The following ARMC8 variants were observed in gnomAD, a reference collection of about 807,000 sequenced individuals.
ARMC8 encodes armadillo repeat-containing protein 8.
A neutral mutation model predicts 99.3 loss-of-function variants in ARMC8; 20 were observed. The observed-to-expected ratio is 0.20, with a 90% confidence interval of 0.14 to 0.29. The LOEUF is 0.29. Ranked by LOEUF, ARMC8 falls within the 10% of genes least tolerant of loss-of-function variation. ARMC8 has a pLI of 1.00. For missense variants in ARMC8, 569 were observed against 809.5 expected (o/e 0.70, Z 3.60); for synonymous variants, 263 against 278.3 (o/e 0.95, Z 0.55).
chr3:138,196,323 A>C (rs1399587752), intron 1 of ARMC8, among the ~76,000 whole-genome samples: 1 of 152,188 alleles, frequency 6.6e-6, no homozygotes, highest in African/African-American at 2.4e-5. Context: ...CATTTTGGAC[A>C]TGCCAAATTT....
intron 1 of ARMC8, among the ~76,000 whole-genome samples, chr3:138,202,513 A>G (rs79669753): frequency 0.014 from 2,154 of 152,278 alleles, 51 homozygotes; most frequent in African/African-American, 0.047. Context: ...CAGAAATAGA[A>G]TTACTCTGAA....
rs1253986305 is a variant in ARMC8, at chr3:138,239,475, T to TA, written c.785dup (p.Tyr262Ter). 1 of 1,599,648 alleles carries TA rather than the reference T, an allele frequency of 6.3e-7. No individual in the cohort carries two copies. Among genetic ancestry groups the TA allele is most frequent in the South Asian group, 1.1e-5 (1 of 87,096 alleles). ...MQLTSAKCLT[Y>*]MCRAGAIRTD... is the part of the protein sequence containing the mutation. The stretch of plus-strand genomic sequence containing the variant: ...TCTGCTGTCTTATTCCAGTTTAACT[T>TA]ACATGTGTAGAGCTGGAGCAATTCG... The change falls in exon 10 of 22, where the codon TAC (tyrosine) becomes TAAC (stop). Residue 262 changes from tyrosine to a stop codon, truncating the protein, a stop_gained and frameshift_variant. Transcript: ENST00000469044. LOFTEE classifies it high-confidence loss of function.
chr3:138,234,759 A>G (rs1402699677), intron 6 of ARMC8, among the ~76,000 whole-genome samples: 1 of 152,204 alleles, frequency 6.6e-6, no homozygotes, highest in East Asian at 1.9e-4. Flanking sequence ...ATAATTGCAG[A>G]GGACTTGTGC....
At chr3:138,269,756 C>T (rs2108292327) in intron 15 of ARMC8, among the ~76,000 whole-genome samples, 1 of 151,490 alleles carries the variant, frequency 6.6e-6, no homozygotes, top group Non-Finnish European at 1.5e-5. Context: ...TAGAATGTCT[C>T]CTGAATCCTC....
intron 17 of ARMC8, among the ~76,000 whole-genome samples, chr3:138,273,402 C>CT (rs1212714902): frequency 6.6e-6 from 1 of 152,162 alleles, no homozygotes; most frequent in African/African-American, 2.4e-5. Flanking sequence ...TGATTTGTTA[C>CT]TTTTTTCTTA....
In ARMC8 at chr3:138,237,495, A is replaced by G; in HGVS notation, c.699A>G (p.Gly233=). ...TTTTATTTCTAGTTTTGGTTGATGG[A>G]GAATTGTTACCACAGATTTTTGTGA... ...SMTLVNVLVD[G]ELLPQIFVKM... is the part of the protein sequence containing the mutation. Residue 233 remains glycine, a synonymous_variant, in exon 9 of 22, where the codon GGA becomes GGG. Coordinates refer to ENST00000469044, the MANE Select transcript of ARMC8 (RefSeq NM_001363941.2). 6.2e-7 allele frequency: 1 copy of G among 1,613,938 alleles called. No individual in the cohort carries two copies. Among genetic ancestry groups the G allele is most frequent in the Non-Finnish European group, 8.5e-7 (1 of 1,179,888 alleles).
chr3:138,246,638 T>C (rs2046893255), intron 12 of ARMC8: 2 of 985,812 alleles, frequency 2.0e-6, no homozygotes, highest in Non-Finnish European at 2.4e-6. Context: ...GAAAGGTAGA[T>C]AGACAGATGG....
chr3:138,266,843 C>A (rs2048330573), intron 14 of ARMC8, among the ~76,000 whole-genome samples: 1 of 152,212 alleles, frequency 6.6e-6, no homozygotes, highest in Admixed American at 6.5e-5. Context: ...TCACTTACCC[C>A]AGAGCAGTCC....
chr3:138,275,076 A>G (rs1313090611), intron 18 of ARMC8, among the ~76,000 whole-genome samples: 2 of 152,218 alleles, frequency 1.3e-5, no homozygotes, highest in African/African-American at 2.4e-5. Flanking sequence ...TGCATTTATC[A>G]GGACAGTTGG....
At chr3:138,285,278 C>T (rs2108362231) in intron 19 of ARMC8, among the ~76,000 whole-genome samples, 1 of 152,318 alleles carries the variant, frequency 6.6e-6, no homozygotes, top group South Asian at 2.1e-4. Flanking sequence ...TTAGTGATGA[C>T]CTCAGCTTTT....
At chr3:138,280,816 TG>T (rs2049830679) in intron 18 of ARMC8, among the ~76,000 whole-genome samples, 4 of 151,460 alleles carry the variant, frequency 2.6e-5, no homozygotes, top group Middle Eastern at 3.2e-3. Flanking sequence ...TTAATAGAGA[TG>T]GGGTTTTGCC....
chr3:138,272,183 C>T (rs2048864465), intron 16 of ARMC8, among the ~76,000 whole-genome samples: 1 of 152,178 alleles, frequency 6.6e-6, no homozygotes, highest in African/African-American at 2.4e-5. Flanking sequence ...ACAGCCCAGC[C>T]ATGCCAACAC....
chr3:138,291,371 C>T (rs1365763662), intron 21 of ARMC8, among the ~76,000 whole-genome samples: 3 of 152,226 alleles, frequency 2.0e-5, no homozygotes, highest in Admixed American at 6.5e-5. Context: ...AGCACACCTT[C>T]GTGCATTTAC....
intron 20 of ARMC8, among the ~76,000 whole-genome samples, chr3:138,289,753 A>G (rs2050764170): frequency 6.6e-6 from 1 of 152,140 alleles, no homozygotes; most frequent in Non-Finnish European, 1.5e-5. Flanking sequence ...ACAGGAGAGC[A>G]GTGGGTCTCA....
intron 19 of ARMC8, 132 bp from the exon 20 acceptor site, chr3:138,288,916 C>A: frequency 1.5e-6 from 1 of 666,412 alleles, no homozygotes; most frequent in Non-Finnish European, 2.6e-6. Context: ...GGATTACAGG[C>A]ATGAGCCACC....
At chr3:138,243,788 G>T (rs2046747397) in intron 11 of ARMC8, among the ~76,000 whole-genome samples, 1 of 152,148 alleles carries the variant, frequency 6.6e-6, no homozygotes. Context: ...CACTGTCAGT[G>T]TTTTCTAGCT....
At chr3:138,195,072 C>T (rs550728151) in intron 1 of ARMC8, among the ~76,000 whole-genome samples, 35 of 151,852 alleles carry the variant, frequency 2.3e-4, no homozygotes, top group Non-Finnish European at 4.3e-4. Context: ...ATCAGGAGTT[C>T]GAGATCAGCC....
At chr3:138,267,028 A>G (rs983609292) in intron 14 of ARMC8, 127 bp from the exon 15 acceptor site, 4 of 564,964 alleles carry the variant, frequency 7.1e-6, no homozygotes, top group African/African-American at 5.7e-5. Flanking sequence ...GATTCTTCCT[A>G]TCTCTCCAAT....
intron 2 of ARMC8, among the ~76,000 whole-genome samples, chr3:138,218,179 C>T (rs1257177589): frequency 1.3e-5 from 2 of 152,084 alleles, no homozygotes; most frequent in African/African-American, 2.4e-5. Flanking sequence ...TGATAGTTTA[C>T]CTAATGAATG....
Sources: gnomAD v4.1 joint callset for allele counts (sites outside exome capture counted in the v4.1 genomes callset) on GRCh38, gnomAD v4.1.1 for gene constraint, MANE v1.5 for transcripts, NCBI Gene and HGNC (gene_info 2026-07-23, HGNC 2026-07-21) for gene names.